The following RBM45 variants were observed in gnomAD, a reference collection of about 807,000 sequenced individuals.
RBM45 encodes RNA-binding protein 45.
In RBM45, 39 loss-of-function variants were observed where a neutral mutation model predicts 58.5. The ratio of observed to expected loss-of-function variants is 0.67; its 90% CI spans 0.52 to 0.87. RBM45 has a LOEUF of 0.87. Ranked by LOEUF, RBM45 falls within the 40% of genes least tolerant of loss-of-function variation. The pLI, the probability that RBM45 is intolerant of heterozygous loss-of-function variation, is 0.00. For synonymous variants in RBM45, 193 were observed against 203.0 expected (o/e 0.95, Z 0.42); for missense variants, 481 against 581.6 (o/e 0.83, Z 1.78).
At chr2:178,114,826 G>T (rs1040058822) in intron 1 of RBM45, among the ~76,000 whole-genome samples, 1 of 152,030 alleles carries the variant, frequency 6.6e-6, no homozygotes, top group African/African-American at 2.4e-5. Flanking sequence ...CAAGCTCCTG[G>T]ACTCAAGTGA....
rs766163957 is a variant in RBM45, at chr2:178,124,175, G to A, written c.1117G>A (p.Val373Ile). ...GSQLPQIQTD[V>I]VLPSCKKKAP... is the part of the protein sequence containing the mutation. ...ACAGTTGCCTCAAATCCAGACAGAT[G>A]TTGTACTTCCATCATGCAAAAAAAA... The change falls in exon 8 of 10, where the codon GTT (valine) becomes ATT (isoleucine). Residue 373 changes from valine to isoleucine, a missense_variant. Coordinates refer to ENST00000286070, the MANE Select transcript of RBM45 (RefSeq NM_152945.4). The A allele has an allele frequency of 4.4e-6, 7 of 1,609,034 alleles. No homozygotes were observed. Among genetic ancestry groups the A allele is most frequent in the Non-Finnish European group, 5.9e-6 (7 of 1,178,710 alleles).
At chr2:178,137,004 A>G (rs1029703635) in exon 4 of RBM45, 1 of 152,090 alleles carries the variant, frequency 6.6e-6, no homozygotes. Context: ...TTGTTTGGGG[A>G]GTTTTATTTA....
At chr2:178,124,719 T>G (rs1041619380) in intron 8 of RBM45, among the ~76,000 whole-genome samples, 2 of 152,122 alleles carry the variant, frequency 1.3e-5, no homozygotes, top group Non-Finnish European at 2.9e-5. Flanking sequence ...GAGGCTAAGG[T>G]GGCAGGATTG....
intron 1 of RBM45, among the ~76,000 whole-genome samples, chr2:178,114,167 T>C (rs2087739716): frequency 6.6e-6 from 1 of 152,216 alleles, no homozygotes; most frequent in African/African-American, 2.4e-5. Flanking sequence ...CACATAACCT[T>C]GTCTGTTTTT....
At chr2:178,123,285 C>T (rs1052079207) in intron 5 of RBM45, among the ~76,000 whole-genome samples, 2 of 152,152 alleles carry the variant, frequency 1.3e-5, no homozygotes. Context: ...TGTTAATATT[C>T]CATTTTCCCT....
intron 3 of RBM45, among the ~76,000 whole-genome samples, chr2:178,135,425 A>G (rs1417092763): frequency 6.6e-6 from 1 of 152,164 alleles, no homozygotes; most frequent in African/African-American, 2.4e-5. Context: ...TCCTAACAGG[A>G]CTCATCTCCT....
chr2:178,114,688 C>T (rs1331659947), intron 1 of RBM45, among the ~76,000 whole-genome samples: 1 of 152,108 alleles, frequency 6.6e-6, no homozygotes, highest in Non-Finnish European at 1.5e-5. Context: ...ACCTCCCAGA[C>T]TCAAGCAATC....
At chr2:178,115,769 T>A (rs948161766) in intron 1 of RBM45, among the ~76,000 whole-genome samples, 3 of 152,180 alleles carry the variant, frequency 2.0e-5, no homozygotes, top group African/African-American at 7.2e-5. Flanking sequence ...GTATTACGTT[T>A]CTTCAAATTA....
Position 178,120,322 on chromosome 2 carries a change from G to A in RBM45, c.586G>A (p.Ala196Thr). 2 of 1,613,174 alleles carry A rather than the reference G, an allele frequency of 1.2e-6. No homozygotes were observed. The highest frequency in any genetic ancestry group is 1.7e-6 in the Non-Finnish European group (2 of 1,179,568). The change falls in exon 4 of 10, where the codon GCA becomes ACA. Residue 196 changes from alanine (A) to threonine (T), a missense_variant. Coordinates refer to ENST00000286070, the MANE Select transcript of RBM45 (RefSeq NM_152945.4). ...RAILAEPKNKASESSEQDYYS... is the reference protein window; with the variant it reads ...RAILAEPKNKTSESSEQDYYS... Reference sequence around the variant, plus strand: ...AATCTTGGCTGAACCTAAAAATAAAGCATCTGAATCCTCTGAACAAGATTA... The same window carrying A: ...AATCTTGGCTGAACCTAAAAATAAAACATCTGAATCCTCTGAACAAGATTA...
In RBM45 at chr2:178,116,382, A is replaced by G; in HGVS notation, c.421A>G (p.Lys141Glu). Residue 141 changes from lysine (K) to glutamate (E), a missense_variant and splice_region_variant, in exon 2 of 10, where the codon AAG becomes GAG. Coordinates refer to ENST00000286070, the MANE Select transcript of RBM45 (RefSeq NM_152945.4). Reference sequence around the variant, plus strand: ...AGAAGAAGATCTGCGGGAAAAATTTAAGGTATTTATTCTAATCAGCTAGCA... The same window carrying G: ...AGAAGAAGATCTGCGGGAAAAATTTGAGGTATTTATTCTAATCAGCTAGCA... ...YTEEDLREKF[K>E]VYGDIEYCSI... is the part of the protein sequence containing the mutation. 1 of 1,604,332 alleles carries G rather than the reference A, an allele frequency of 6.2e-7. No homozygotes were observed. Among genetic ancestry groups the G allele is most frequent in the Non-Finnish European group, 8.5e-7 (1 of 1,177,146 alleles).
chr2:178,130,990 C>G (rs2153906951), downstream of RBM45, among the ~76,000 whole-genome samples: 1 of 152,248 alleles, frequency 6.6e-6, no homozygotes, highest in Middle Eastern at 3.4e-3. Context: ...GACTGTAGTC[C>G]CAGCTACTCA....
chr2:178,114,315 A>G (rs2087741822), intron 1 of RBM45, among the ~76,000 whole-genome samples: 1 of 152,140 alleles, frequency 6.6e-6, no homozygotes, highest in Admixed American at 6.5e-5. Flanking sequence ...GGATTTTTAT[A>G]TTTTGAGTGT....
At chr2:178,120,236 G>A (rs1413629902) in intron 3 of RBM45, 51 bp from the exon 4 acceptor site, 1 of 1,608,650 alleles carries the variant, frequency 6.2e-7, no homozygotes, top group Admixed American at 1.7e-5. Context: ...AAGTATATTT[G>A]CAGGTATGTT....
In RBM45 at chr2:178,126,015, G is replaced by T. The variant is rs1559081613; in HGVS notation, c.1264G>T (p.Val422Leu). The T allele has an allele frequency of 6.2e-7, 1 of 1,613,758 alleles. No homozygotes were observed. The part of the protein sequence containing the change: ...RFGNLIEVYL[V>L]SGKNVGYAKY... ...TGGTAACCTGATCGAAGTTTACCTT[G>T]TGTCAGGAAAAAATGTGGGGTATGC... The change falls in exon 9 of 10, where the codon GTG becomes TTG. Residue 422 changes from valine to leucine, a missense_variant. Coordinates refer to ENST00000286070, the MANE Select transcript of RBM45 (RefSeq NM_152945.4).
At chr2:178,114,286 A>G (rs539786376) in intron 1 of RBM45, among the ~76,000 whole-genome samples, 315 of 152,302 alleles carry the variant, frequency 2.1e-3, no homozygotes, top group Non-Finnish European at 3.8e-3. Flanking sequence ...TCGCTGTCCA[A>G]TTATGACCTT....
chr2:178,114,843 C>T (rs1356511183), intron 1 of RBM45, among the ~76,000 whole-genome samples: 1 of 152,130 alleles, frequency 6.6e-6, no homozygotes, highest in Non-Finnish European at 1.5e-5. Context: ...GTGAGCCTCC[C>T]GTTTCATCCT....
Position 178,125,905 on chromosome 2 carries a change from CA to C in RBM45, c.1233-77del, listed in dbSNP as rs2087922713. 4 of 1,149,636 alleles carry C rather than the reference CA, an allele frequency of 3.5e-6. No individual in the cohort carries two copies. In the Admixed American group the frequency reaches 7.4e-5, roughly 21 times the overall value. 71.2% of individuals were successfully genotyped at this position (1,149,636 alleles called of 1,614,324 possible). A position where few individuals can be genotyped will look rare whatever the true frequency, so the allele number is the denominator to read the frequency against. The stretch of plus-strand genomic sequence containing the variant: ...CTGGGGAGAAGGGTGAAAATGGAGT[CA>C]AGAATGGACTCCAAATTTTAGACCT... On this transcript the variant is annotated intron_variant, in intron 8 of 9. Transcript: ENST00000286070.
intron 2 of RBM45, among the ~76,000 whole-genome samples, chr2:178,117,808 G>T (rs917402168): frequency 1.3e-5 from 2 of 152,214 alleles, no homozygotes; most frequent in African/African-American, 4.8e-5. Flanking sequence ...AGACTTTGGA[G>T]CTATCCAGAC....
At chr2:178,127,760 G>C (rs1018231895) in intron 9 of RBM45, among the ~76,000 whole-genome samples, 1 of 152,040 alleles carries the variant, frequency 6.6e-6, no homozygotes, top group South Asian at 2.1e-4. Flanking sequence ...CAAAAAATGT[G>C]TTTTTTCTAG....
Sources: gnomAD v4.1 joint callset for allele counts (sites outside exome capture counted in the v4.1 genomes callset) on GRCh38, gnomAD v4.1.1 for gene constraint, MANE v1.5 for transcripts, NCBI Gene and HGNC (gene_info 2026-07-23, HGNC 2026-07-21) for gene names.